Variants in GAD1 observed in about 807,000 individuals in gnomAD.
The protein encoded by GAD1 is glutamate decarboxylase 1.
A neutral mutation model predicts 75.2 loss-of-function variants in GAD1; 35 were observed. That is an observed-to-expected ratio of 0.47 (90% CI 0.36 to 0.62). The LOEUF (loss-of-function observed/expected upper bound fraction) is 0.62, where lower values mean the gene tolerates loss of function less well. Among genes scored for constraint, GAD1 ranks in the 20% least tolerant of loss-of-function variants. GAD1 has a pLI of 0.00. For synonymous variants in GAD1, 257 were observed against 271.9 expected (o/e 0.95, Z 0.54); for missense variants, 490 against 758.5 (o/e 0.65, Z 4.16).
intron 11 of GAD1, among the ~76,000 whole-genome samples, chr2:170,848,239 T>G (rs891180278): frequency 6.6e-6 from 1 of 152,176 alleles, no homozygotes; most frequent in African/African-American, 2.4e-5. Flanking sequence ...GGCTCACGCT[T>G]GTAATGCCAG....
intron 15 of GAD1, among the ~76,000 whole-genome samples, chr2:170,858,316 C>CT (rs1702895885): frequency 6.6e-6 from 1 of 152,102 alleles, no homozygotes; most frequent in Admixed American, 6.6e-5. Context: ...TAGAAACAGT[C>CT]TTTTGGTTTT....
At chr2:170,843,945 T>A in intron 6 of GAD1, 100 bp from the exon 7 acceptor site, 1 of 730,760 alleles carries the variant, frequency 1.4e-6, no homozygotes, top group Non-Finnish European at 2.5e-6. Flanking sequence ...AGCTTTTTTT[T>A]AGAACCCAAC....
chr2:170,852,551 G>A (rs976733882), intron 12 of GAD1, 163 bp from the exon 13 acceptor site: 18 of 686,360 alleles, frequency 2.6e-5, no homozygotes, highest in Admixed American at 4.1e-5. Context: ...GTAATACTCC[G>A]AGACTGCCTG....
At chr2:170,848,869 G>T (rs886654754) in intron 11 of GAD1, 12 of 497,250 alleles carry the variant, frequency 2.4e-5, no homozygotes, top group African/African-American at 1.6e-4. Flanking sequence ...GCTGCTTTTT[G>T]AGTTTTTCAG....
intron 15 of GAD1, among the ~76,000 whole-genome samples, chr2:170,857,830 C>T (rs969059849): frequency 6.6e-6 from 1 of 152,180 alleles, no homozygotes; most frequent in African/African-American, 2.4e-5. Context: ...TGCCAGGCCT[C>T]CTGCTAGGAC....
In GAD1 at chr2:170,854,695, G is replaced by A. The variant is rs1327247440; in HGVS notation, c.1413+673G>A. ...GTTGGGATTACAGGCGTGAGCCACC[G>A]CGCCCGGCCCCTTGAATTCTTTTAT... is the stretch of plus-strand genomic sequence containing the variant. On this transcript the variant is annotated intron_variant, in intron 14 of 16. Coordinates refer to ENST00000358196, the MANE Select transcript of GAD1 (RefSeq NM_000817.3). Among the ~76,000 whole-genome samples the A allele has an allele frequency of 5.3e-5, 8 of 152,272 alleles. No individual in the cohort carries two copies. The East Asian group carries it at 1.2e-3, about 22-fold the overall frequency.
chr2:170,841,473 G>A (rs1702514254), intron 6 of GAD1, among the ~76,000 whole-genome samples: 1 of 152,194 alleles, frequency 6.6e-6, no homozygotes, highest in Non-Finnish European at 1.5e-5. Context: ...GCAAAGGCGG[G>A]AGGATCGCTT....
At chr2:170,849,690 TATCA>T (rs769413776) in intron 12 of GAD1, among the ~76,000 whole-genome samples, 29 of 152,234 alleles carry the variant, frequency 1.9e-4, no homozygotes, top group African/African-American at 4.6e-4. Context: ...CTCTAATAGC[TATCA>T]ATCAATCAAT....
chr2:170,821,471 C>A (rs1279081718), intron 2 of GAD1, among the ~76,000 whole-genome samples: 1 of 152,122 alleles, frequency 6.6e-6, no homozygotes, highest in Admixed American at 6.5e-5. Context: ...GGACCTGAGG[C>A]GCACTATTGT....
intron 3 of GAD1, among the ~76,000 whole-genome samples, chr2:170,825,964 C>T (rs1468694537): frequency 6.6e-6 from 1 of 152,180 alleles, no homozygotes; most frequent in African/African-American, 2.4e-5. Flanking sequence ...CACTGACCTC[C>T]ATGTCATCCA....
At chr2:170,820,322 C>A (rs566942793) in intron 2 of GAD1, among the ~76,000 whole-genome samples, 48 of 152,326 alleles carry the variant, frequency 3.2e-4, no homozygotes, top group African/African-American at 8.9e-4. Context: ...CCGCACGTGG[C>A]CTGGTTCGCC....
At chr2:170,833,931 C>T (rs1395528169) in intron 5 of GAD1, among the ~76,000 whole-genome samples, 5 of 151,014 alleles carry the variant, frequency 3.3e-5, no homozygotes, top group East Asian at 1.9e-4. Context: ...GCCCGGGAGG[C>T]GGAGGTTGCA....
chr2:170,848,130 T>C (rs1402144596), intron 11 of GAD1, among the ~76,000 whole-genome samples: 1 of 152,182 alleles, frequency 6.6e-6, no homozygotes, highest in Non-Finnish European at 1.5e-5. Flanking sequence ...AGACACAACA[T>C]ACAGAAAGTG....
intron 5 of GAD1, among the ~76,000 whole-genome samples, chr2:170,831,612 G>GTGTGTGTGTT (rs1702226965): frequency 1.4e-5 from 2 of 144,072 alleles, no homozygotes; most frequent in Non-Finnish European, 3.0e-5. Context: ...GTGTGTGTGT[G>GTGTGTGTGTT]TGTGTGTGTG....
At chr2:170,845,941 A>G (rs1702621639) in intron 9 of GAD1, 68 bp from the exon 10 acceptor site, 5 of 1,528,806 alleles carry the variant, frequency 3.3e-6, no homozygotes, top group Admixed American at 3.3e-5. Flanking sequence ...TGCTGCTGCT[A>G]AAGTTTTTTT....
intron 5 of GAD1, 102 bp from the exon 6 acceptor site, chr2:170,836,691 G>A: frequency 1.2e-6 from 1 of 809,416 alleles, no homozygotes; most frequent in Non-Finnish European, 2.2e-6. Flanking sequence ...ATATCACTGG[G>A]ATGGAAGCCC....
chr2:170,828,276 T>TTCCCTCTGCCGTCCTCCCCTCTCC (rs879567602), intron 3 of GAD1, among the ~76,000 whole-genome samples: 1 of 81,142 alleles, frequency 1.2e-5, no homozygotes, highest in African/African-American at 4.9e-5. Flanking sequence ...ACCCCTCCCC[T>TTCCCTCTGCCGTCCTCCCCTCTCC]TCCCTCTGCT....
At chr2:170,852,068 T>G (rs897106014) in intron 12 of GAD1, among the ~76,000 whole-genome samples, 1 of 151,678 alleles carries the variant, frequency 6.6e-6, no homozygotes, top group Non-Finnish European at 1.5e-5. Context: ...TCTAGTGGAG[T>G]GGTTACAAAA....
intron 12 of GAD1, chr2:170,852,469 A>C (rs980975316): frequency 1.5e-5 from 8 of 543,888 alleles, no homozygotes; most frequent in Non-Finnish European, 2.3e-5. Flanking sequence ...CAAGACAATA[A>C]GACATATAAT....
Sources: gnomAD v4.1 joint callset for allele counts (sites outside exome capture counted in the v4.1 genomes callset) on GRCh38, gnomAD v4.1.1 for gene constraint, MANE v1.5 for transcripts, NCBI Gene and HGNC (gene_info 2026-07-23, HGNC 2026-07-21) for gene names.